CACNA1C: variants seen among roughly 807,000 people sequenced by gnomAD.
CACNA1C encodes calcium voltage-gated channel subunit alpha1 C.
Under a neutral mutation model 229.0 loss-of-function variants are expected in CACNA1C, and 30 were observed. That is an observed-to-expected ratio of 0.13 (90% CI 0.10 to 0.18). The LOEUF (loss-of-function observed/expected upper bound fraction) is 0.18, where lower values mean the gene tolerates loss of function less well. Ranked by LOEUF, CACNA1C falls within the 10% of genes least tolerant of loss-of-function variation. The pLI is 1.00. For synonymous variants in CACNA1C, 1,114 were observed against 1,132.5 expected, an observed-to-expected ratio of 0.98 and a Z score of 0.33; for missense variants, 1,658 against 2,845.0, an observed-to-expected ratio of 0.58 and a Z score of 9.49.
intron 10 of CACNA1C, among the ~76,000 whole-genome samples, chr12:2,555,091 C>T (rs920423230): frequency 6.6e-6 from 1 of 152,360 alleles, no homozygotes; most frequent in Admixed American, 6.5e-5. Context: ...TCAGAATGTG[C>T]CCGGATGCCA....
At chr12:2,522,895 G>A (rs573190127) in intron 9 of CACNA1C, among the ~76,000 whole-genome samples, 7 of 152,074 alleles carry the variant, frequency 4.6e-5, no homozygotes, top group Non-Finnish European at 1.0e-4. Context: ...AAAAGTTAAC[G>A]TATTCACATT....
rs966626715 is a variant in CACNA1C at position 2,696,186 on chromosome 12, T to C, written c.*4987T>C. 1 of 152,316 alleles carries C rather than the reference T, an allele frequency of 6.6e-6. No homozygotes were observed. Among genetic ancestry groups the C allele is most frequent in the African/African-American group, 2.4e-5 (1 of 41,570 alleles). 9.4% of individuals were successfully genotyped at this position (152,316 alleles called of 1,614,324 possible). A position where few individuals can be genotyped will look rare whatever the true frequency, so the allele number is the denominator to read the frequency against. On this transcript the variant is annotated 3_prime_UTR_variant, in exon 47 of 47. Transcript: ENST00000399655. Reference sequence around the variant, plus strand: ...AAAGATCCATGGTCTTTGTAGGGTATTAGAGAACTCTTCCAGTCACCTCTG... The same window carrying C: ...AAAGATCCATGGTCTTTGTAGGGTACTAGAGAACTCTTCCAGTCACCTCTG...
chr12:2,058,084 T>A (rs1327673180), intron 1 of CACNA1C, among the ~76,000 whole-genome samples: 1 of 152,236 alleles, frequency 6.6e-6, no homozygotes, highest in Non-Finnish European at 1.5e-5. Context: ...TTTCCAGTGA[T>A]GTTTTCCAGC....
intron 3 of CACNA1C, among the ~76,000 whole-genome samples, chr12:2,282,472 T>G (rs1419154519): frequency 6.6e-6 from 1 of 152,184 alleles, no homozygotes; most frequent in African/African-American, 2.4e-5. Context: ...TTATGGAAAC[T>G]GAGTTCCAAG....
chr12:2,584,786 A>AT (rs1753504047), intron 16 of CACNA1C, among the ~76,000 whole-genome samples, 169 bp downstream of exon 16: 1 of 152,136 alleles, frequency 6.6e-6, no homozygotes, highest in South Asian at 2.1e-4. Context: ...ATTCCTAAGC[A>AT]TCACTCTGGT....
intron 1 of CACNA1C, among the ~76,000 whole-genome samples, chr12:1,977,757 GTA>G (rs1212388433): frequency 7.2e-5 from 11 of 152,104 alleles, no homozygotes; most frequent in East Asian, 3.9e-4. Flanking sequence ...TGCATTCTAA[GTA>G]TAGTGAGCAA....
chr12:2,067,255 TC>T lies in CACNA1C; in HGVS notation c.49+13649del, dbSNP rs1335279515. 6.6e-6 allele frequency among the ~76,000 whole-genome samples: 1 copy of T among 151,806 alleles called. No individual in the cohort carries two copies. Among genetic ancestry groups the T allele is most frequent in the South Asian group, 2.1e-4 (1 of 4,790 alleles). On this transcript the variant is annotated intron_variant, in intron 1 of 46. Transcript: ENST00000399655. The surrounding 1 kb of genome is among the most constrained non-coding windows in gnomAD (Gnocchi z 5.3). ...TTTAGTGGGAGTCAGGGAGTCTGAA[TC>T]CCCCAGCCTGCCTCCATCCCAGGTG...
chr12:2,425,344 T>C (rs191015208), intron 3 of CACNA1C, among the ~76,000 whole-genome samples: 68 of 152,184 alleles, frequency 4.5e-4, no homozygotes, highest in Non-Finnish European at 9.1e-4. Context: ...AGGAAGTAGA[T>C]TAATCATATA....
chr12:2,468,422 G>T lies in CACNA1C; in HGVS notation c.757+10716G>T, dbSNP rs181550657. Reference sequence around the variant, plus strand: ...CCTTCAGACTCAAAGAGCTTGATTAGCTGATGAATCGGCCCAGTGGTCTAG... The same window carrying T: ...CCTTCAGACTCAAAGAGCTTGATTATCTGATGAATCGGCCCAGTGGTCTAG... On this transcript the variant is annotated intron_variant, in intron 5 of 46. Coordinates refer to ENST00000399655, the MANE Select transcript of CACNA1C (RefSeq NM_000719.7). 2.8e-3 allele frequency among the ~76,000 whole-genome samples: 430 copies of T among 152,382 alleles called. 3 individuals are homozygous for T. The highest frequency in any genetic ancestry group is 9.9e-3 in the African/African-American group (412 of 41,592).
At chr12:2,305,998 G>A (rs1200517786) in intron 3 of CACNA1C, among the ~76,000 whole-genome samples, 3 of 152,194 alleles carry the variant, frequency 2.0e-5, no homozygotes. Context: ...CCACTTTACA[G>A]TTGAAGAAAC....
At chr12:1,972,079 A>G (rs183345435) in intron 1 of CACNA1C, among the ~76,000 whole-genome samples, 44 of 152,378 alleles carry the variant, frequency 2.9e-4, no homozygotes, top group Admixed American at 2.7e-3. Context: ...TCAAAAAGAC[A>G]GGGAAATATG....
chr12:2,056,191 G>A (rs909682103), intron 1 of CACNA1C, among the ~76,000 whole-genome samples: 1 of 104,932 alleles, frequency 9.5e-6, no homozygotes, highest in Non-Finnish European at 1.9e-5. Context: ...GTGTGAGTGT[G>A]TGTGAGTGTG....
Position 2,135,541 on chromosome 12 carries a change from T to C in CACNA1C, c.477+15111T>C, listed in dbSNP as rs1197531913. On this transcript the variant is annotated intron_variant, in intron 3 of 46. Coordinates refer to ENST00000399655, the MANE Select transcript of CACNA1C (RefSeq NM_000719.7). ...CCTTCTAACAGACAGGACCCTCAGC[T>C]GCAGGTCTGTTGGAGTACCCTGCTG... Among the ~76,000 whole-genome samples the C allele has an allele frequency of 1.5e-5, 2 of 131,894 alleles. 1 individual carries two copies. Among genetic ancestry groups the C allele is most frequent in the Non-Finnish European group, 3.1e-5 (2 of 64,854 alleles). 86.5% of individuals were successfully genotyped at this position (131,894 alleles called of 152,430 possible).
At chr12:2,159,603 C>CT (rs575455560) in intron 3 of CACNA1C, among the ~76,000 whole-genome samples, 2,070 of 138,328 alleles carry the variant, frequency 0.015, 35 homozygotes, top group Admixed American at 0.047. Flanking sequence ...CTTTCTTTCT[C>CT]TTTTTTTTTT....
At chr12:2,340,793 A>C (rs1441426694) in intron 3 of CACNA1C, among the ~76,000 whole-genome samples, 3 of 146,178 alleles carry the variant, frequency 2.1e-5, no homozygotes, top group African/African-American at 8.0e-5. Context: ...CCATCTCTCT[A>C]AAAATACAAA....
At chr12:2,277,548 C>T (rs925062968) in intron 3 of CACNA1C, among the ~76,000 whole-genome samples, 1 of 152,162 alleles carries the variant, frequency 6.6e-6, no homozygotes, top group Non-Finnish European at 1.5e-5. Flanking sequence ...TCTAAGGAGG[C>T]TTCAGGCAGC....
At position 2,003,999 on chromosome 12, in the gene CACNA1C, C is replaced by T. The variant is rs114471749; in HGVS notation, c.139+32798C>T. On this transcript the variant is annotated intron_variant, in intron 1 of 46. Transcript: ENST00000682462. ...CATAAGGTATCAGGTCCTTCCTTTC[C>T]TTCGGCTCTTATGGTGCCGTACCCG... is the stretch of plus-strand genomic sequence containing the variant. 9.0e-3 allele frequency among the ~76,000 whole-genome samples: 1,373 copies of T among 152,272 alleles called. 14 individuals carry two copies. The highest frequency in any genetic ancestry group is 0.013 in the Non-Finnish European group (906 of 68,020).
chr12:2,528,656 C>A (rs2099833150), intron 9 of CACNA1C, among the ~76,000 whole-genome samples: 2 of 152,218 alleles, frequency 1.3e-5, no homozygotes, highest in African/African-American at 4.8e-5. Context: ...GTTCACAAGG[C>A]AGCCAAGCAA....
chr12:2,589,245 G>A (rs920580510), intron 18 of CACNA1C, among the ~76,000 whole-genome samples: 6 of 152,214 alleles, frequency 3.9e-5, no homozygotes, highest in African/African-American at 4.8e-5. Flanking sequence ...GAGACAGGCA[G>A]CAGACAAACC....
Sources: allele counts gnomAD v4.1 joint callset (sites outside exome capture counted in the v4.1 genomes callset), GRCh38; gene constraint gnomAD v4.1.1; non-coding constraint Gnocchi (gnomAD v3.1); transcripts MANE v1.5; gene names NCBI Gene and HGNC (gene_info 2026-07-23, HGNC 2026-07-21).